The following SMIM21 variants were observed in gnomAD, a reference collection of about 807,000 sequenced individuals.
SMIM21 encodes the protein chromosome 18 open reading frame 62.
Under a neutral mutation model 8.6 loss-of-function variants are expected in SMIM21, and 8 were observed. The ratio of observed to expected loss-of-function variants is 0.93; its 90% CI spans 0.55 to 1.68. The LOEUF is 1.68. Among genes scored for constraint, SMIM21 ranks in the 40% most tolerant of loss-of-function variants. The pLI is 0.00. For synonymous variants in SMIM21, 43 were observed against 41.7 expected, an observed-to-expected ratio of 1.03 and a Z score of -0.12; for missense variants, 132 against 123.0, an observed-to-expected ratio of 1.07 and a Z score of -0.35.
intron 1 of SMIM21, among the ~76,000 whole-genome samples, chr18:75,424,845 G>A (rs1395814038): frequency 6.6e-6 from 1 of 152,194 alleles, no homozygotes; most frequent in Non-Finnish European, 1.5e-5. Context: ...AGATCTGGGA[G>A]AACAGGCCCT....
At chr18:75,412,081 C>A (rs2024590671) in intron 2 of SMIM21, among the ~76,000 whole-genome samples, 1 of 152,100 alleles carries the variant, frequency 6.6e-6, no homozygotes, top group Non-Finnish European at 1.5e-5. Flanking sequence ...GAACATGGAC[C>A]CCAGAATATC....
chr18:75,421,509 G>A (rs532527419), intron 1 of SMIM21, among the ~76,000 whole-genome samples: 36 of 152,018 alleles, frequency 2.4e-4, no homozygotes, highest in Admixed American at 5.9e-4. Flanking sequence ...AGGAGGTGGT[G>A]TGTGCAAGGT....
intron 1 of SMIM21, among the ~76,000 whole-genome samples, chr18:75,421,690 C>A (rs1359965839): frequency 6.6e-6 from 1 of 152,136 alleles, no homozygotes; most frequent in Non-Finnish European, 1.5e-5. Context: ...TTGGGGAAGG[C>A]TGCAGGCCTG....
At chr18:75,422,729 A>G (rs1435994) in intron 1 of SMIM21, among the ~76,000 whole-genome samples, 107,715 of 152,122 alleles carry the variant, frequency 0.71, 38,510 homozygotes, top group East Asian at 0.99. Flanking sequence ...ATGTTGGATG[A>G]TTCAATTTAT....
At chr18:75,414,448 T>A (rs1355517599) in intron 2 of SMIM21, among the ~76,000 whole-genome samples, 1 of 152,018 alleles carries the variant, frequency 6.6e-6, no homozygotes, top group Admixed American at 6.6e-5. Flanking sequence ...GGCTTCCTAC[T>A]TAAGAGGAAC....
intron 2 of SMIM21, among the ~76,000 whole-genome samples, chr18:75,412,216 G>C (rs1191111597): frequency 6.6e-6 from 1 of 152,098 alleles, no homozygotes; most frequent in African/African-American, 2.4e-5. Context: ...AAACAAACAA[G>C]GTTTAGATTC....
At chr18:75,411,009 A>G (rs930675238) in intron 2 of SMIM21, 100 bp from the exon 3 acceptor site, 1 of 1,484,974 alleles carries the variant, frequency 6.7e-7, no homozygotes, top group Non-Finnish European at 9.1e-7. Context: ...TAATGAACAC[A>G]TTTTAAAATT....
intron 1 of SMIM21, among the ~76,000 whole-genome samples, chr18:75,423,753 T>C (rs961007409): frequency 1.3e-5 from 2 of 152,234 alleles, no homozygotes; most frequent in African/African-American, 4.8e-5. Context: ...AATAAATTAC[T>C]TGTGCTGTGT....
chr18:75,410,602 G>T lies in SMIM21; in HGVS notation c.*262C>A. On this transcript the variant is annotated 3_prime_UTR_variant, in exon 3 of 3. Coordinates refer to ENST00000579022, the MANE Select transcript of SMIM21 (RefSeq NM_001037331.3). ...TGCTGGATCTGTTTCGACACGCAGG[G>T]CAGATTTCGCAGGGTTGGGTGGCAT... 1.3e-6 allele frequency: 1 copy of T among 761,660 alleles called. No homozygotes were observed. The highest frequency in any genetic ancestry group is 1.9e-6 in the Non-Finnish European group (1 of 529,250). 47.2% of individuals were successfully genotyped at this position (761,660 alleles called of 1,614,324 possible). A position where few individuals can be genotyped will look rare whatever the true frequency, so the allele number is the denominator to read the frequency against.
Position 75,427,579 on chromosome 18 carries a change from G to A in SMIM21, c.-16C>T, listed in dbSNP as rs983839353. 1 of 1,584,540 alleles carries A rather than the reference G, an allele frequency of 6.3e-7. No individual in the cohort carries two copies. Among genetic ancestry groups the A allele is most frequent in the Non-Finnish European group, 8.6e-7 (1 of 1,164,270 alleles). ...ACTGGTCCATGTGGGGGCTGCGGCG[G>A]TGACCAGTGAGAGGTCTCCTTGATG... is the stretch of plus-strand genomic sequence containing the variant. On this transcript the variant is annotated 5_prime_UTR_variant, in exon 1 of 3. Coordinates refer to ENST00000579022, the MANE Select transcript of SMIM21 (RefSeq NM_001037331.3).
Position 75,410,931 on chromosome 18 carries a change from A to G in SMIM21, c.261-22T>C, listed in dbSNP as rs775657795. On this transcript the variant is annotated intron_variant, in intron 2 of 2. Coordinates refer to ENST00000579022, the MANE Select transcript of SMIM21 (RefSeq NM_001037331.3). Reference sequence around the variant, plus strand: ...AAAGCTGCAAGAGACAAAAGGGGGAAAAAGCATTTTATTTTTTTGATAGAT... The same window carrying G: ...AAAGCTGCAAGAGACAAAAGGGGGAGAAAGCATTTTATTTTTTTGATAGAT... 5.0e-6 allele frequency: 8 copies of G among 1,613,764 alleles called. No homozygotes were observed. In the South Asian group the frequency reaches 7.7e-5, roughly 16 times the overall value.
chr18:75,425,093 C>A (rs1348159598), intron 1 of SMIM21, among the ~76,000 whole-genome samples: 1 of 152,130 alleles, frequency 6.6e-6, no homozygotes, highest in Non-Finnish European at 1.5e-5. Context: ...ATGTGCACAC[C>A]TCAGCTGACA....
rs2024779479 is a variant in SMIM21 at position 75,427,627 on chromosome 18, G to A, written c.-64C>T. ...ATGACAGCGACTCTGAGGACACAGAGCTGGTGCTATAAGACCTGGTAACTA... is the reference window on the plus strand; with the variant it reads ...ATGACAGCGACTCTGAGGACACAGAACTGGTGCTATAAGACCTGGTAACTA... On this transcript the variant is annotated 5_prime_UTR_variant, in exon 1 of 3. Transcript: ENST00000579022. 2.0e-6 allele frequency: 3 copies of A among 1,482,736 alleles called. No homozygotes were observed. The highest frequency in any genetic ancestry group is 2.9e-5 in the South Asian group (2 of 69,542). The allele number at this position is 1,482,736 out of a possible 1,614,324, so 91.8% of individuals were successfully genotyped here.
chr18:75,420,952 A>T (rs2024701957), intron 1 of SMIM21, among the ~76,000 whole-genome samples: 1 of 152,190 alleles, frequency 6.6e-6, no homozygotes, highest in Non-Finnish European at 1.5e-5. Flanking sequence ...CAGGAAAACT[A>T]GAAGCCAATG....
At chr18:75,410,967 T>C in intron 2 of SMIM21, 58 bp from the exon 3 acceptor site, 3 of 1,583,096 alleles carry the variant, frequency 1.9e-6, no homozygotes, top group Non-Finnish European at 2.6e-6. Flanking sequence ...ATAATCAAAA[T>C]ATTACAATAA....
At chr18:75,420,664 G>A (rs2024698726) in intron 1 of SMIM21, among the ~76,000 whole-genome samples, 1 of 152,206 alleles carries the variant, frequency 6.6e-6, no homozygotes, top group Non-Finnish European at 1.5e-5. Flanking sequence ...AGTCACTGGA[G>A]CATTGGGTCT....
chr18:75,427,654 G>T lies in SMIM21; in HGVS notation c.-91C>A. On this transcript the variant is annotated 5_prime_UTR_variant, in exon 1 of 3. Coordinates refer to ENST00000579022, the MANE Select transcript of SMIM21 (RefSeq NM_001037331.3). ...TGGTGCTATAAGACCTGGTAACTAA[G>T]TTCCCAAGGAGCTTTTCTCTTCTTT... 1 of 1,354,720 alleles carries T rather than the reference G, an allele frequency of 7.4e-7. No homozygotes were observed. The highest frequency in any genetic ancestry group is 2.4e-5 in the East Asian group (1 of 41,128). The allele number at this position is 1,354,720 out of a possible 1,614,324, so 83.9% of individuals were successfully genotyped here.
At position 75,427,542 on chromosome 18, in the gene SMIM21, C is replaced by T; in HGVS notation, c.22G>A (p.Ala8Thr). The stretch of plus-strand genomic sequence containing the variant: ...TGTGCTATAGGGAATCGGGGAGGAG[C>T]TGTGGACACATACTGGTCCATGTGG... MDQYVST[A>T]PPRFPIAQLG... The change falls in exon 1 of 3, where the codon GCT becomes ACT. Residue 8 changes from alanine to threonine, a missense_variant. Physicochemically the swap from Ala to Thr is moderately conservative, Grantham distance 58 (BLOSUM62 0). Transcript: ENST00000579022. The T allele has an allele frequency of 6.2e-7, 1 of 1,612,686 alleles. No homozygotes were observed. Among genetic ancestry groups the T allele is most frequent in the Non-Finnish European group, 8.5e-7 (1 of 1,179,450 alleles).
intron 1 of SMIM21, among the ~76,000 whole-genome samples, chr18:75,421,222 C>G (rs1294128884): frequency 6.6e-6 from 1 of 152,150 alleles, no homozygotes; most frequent in Non-Finnish European, 1.5e-5. Flanking sequence ...CACTAAAGAA[C>G]AAGTATAATT....
Sources: allele counts gnomAD v4.1 joint callset (sites outside exome capture counted in the v4.1 genomes callset), GRCh38; gene constraint gnomAD v4.1.1; transcripts MANE v1.5; gene names NCBI Gene and HGNC (gene_info 2026-07-23, HGNC 2026-07-21).